Variants in SATL1 observed in about 807,000 individuals in gnomAD.
The protein encoded by SATL1 is spermidine/spermine N1-acetyl transferase like 1.
Under a neutral mutation model 51.8 loss-of-function variants are expected in SATL1, and 47 were observed. The observed-to-expected ratio is 0.91, with a 90% CI of 0.72 to 1.16. The LOEUF is 1.16. Ranked by LOEUF, SATL1 falls within the 50% of genes most tolerant of loss-of-function variation. The pLI, the probability that SATL1 is intolerant of heterozygous loss-of-function variation, is 0.00. For missense variants in SATL1, 520 were observed against 526.4 expected, an observed-to-expected ratio of 0.99 and a Z score of 0.12; for synonymous variants, 176 against 182.4, an observed-to-expected ratio of 0.97 and a Z score of 0.28.
chrX:85,118,025 G>T (rs750865949), intron 2 of SATL1, among the ~76,000 whole-genome samples: 23 of 107,468 alleles, frequency 2.1e-4, no homozygotes, highest in African/African-American at 7.4e-4. Flanking sequence ...AGATGGATCT[G>T]GGGGCTAGTC....
chrX:85,198,285 T>C (rs969791037), intron 2 of SATL1, among the ~76,000 whole-genome samples: 3 of 112,100 alleles, frequency 2.7e-5, no homozygotes. Flanking sequence ...ATTGCTGCAA[T>C]AGACTTGAGA....
At chrX:85,237,719 A>T (rs1463268140) in intron 1 of SATL1, among the ~76,000 whole-genome samples, 4 of 111,736 alleles carry the variant, frequency 3.6e-5, no homozygotes, top group Admixed American at 2.8e-4. Context: ...AAATAGGATC[A>T]TATCAAGTTA....
At chrX:85,232,216 C>T (rs1928395036) in intron 1 of SATL1, among the ~76,000 whole-genome samples, 1 of 109,361 alleles carries the variant, frequency 9.1e-6, no homozygotes, top group African/African-American at 3.3e-5. Context: ...AGGGAAGAAC[C>T]CAGTCCTGGC....
chrX:85,140,615 T>C (rs1327491032), intron 2 of SATL1, among the ~76,000 whole-genome samples: 2 of 112,237 alleles, frequency 1.8e-5, no homozygotes, highest in East Asian at 2.8e-4. Flanking sequence ...TATCTGATTA[T>C]ACTTTAATTG....
At chrX:85,095,145 T>G (rs1924667600) in intron 4 of SATL1, 149 bp from the exon 5 acceptor site, 1 of 424,242 alleles carries the variant, frequency 2.4e-6, no homozygotes, top group African/African-American at 2.4e-5. Flanking sequence ...CTCTGGAGTT[T>G]ATCTGAACAT....
chrX:85,222,354 C>T (rs779830867), intron 2 of SATL1, among the ~76,000 whole-genome samples: 3 of 111,852 alleles, frequency 2.7e-5, no homozygotes, highest in Non-Finnish European at 5.6e-5. Context: ...CTATTATCTG[C>T]TATAGCCTAG....
chrX:85,181,020 C>T (rs1927188921), intron 2 of SATL1, among the ~76,000 whole-genome samples: 2 of 109,117 alleles, frequency 1.8e-5, no homozygotes, highest in African/African-American at 3.3e-5. Flanking sequence ...TTATAAAAAT[C>T]GTTTAACAAG....
At chrX:85,242,565 C>CA (rs1198288528) in intron 1 of SATL1, among the ~76,000 whole-genome samples, 2 of 112,332 alleles carry the variant, frequency 1.8e-5, no homozygotes, top group African/African-American at 6.5e-5. Context: ...TACTGGAACA[C>CA]AGCCATGCTC....
At chrX:85,159,138 A>G (rs1926658121) in intron 2 of SATL1, among the ~76,000 whole-genome samples, 1 of 111,964 alleles carries the variant, frequency 8.9e-6, no homozygotes, top group Non-Finnish European at 1.9e-5. Flanking sequence ...TTCAATATGT[A>G]ATATCACTGG....
intron 2 of SATL1, among the ~76,000 whole-genome samples, chrX:85,204,170 T>C (rs745821541): frequency 2.1e-4 from 23 of 111,604 alleles, no homozygotes; most frequent in African/African-American, 7.2e-4. Flanking sequence ...GGGTCGTTCA[T>C]TCACTTACTG....
At chrX:85,139,617 C>G (rs1322584823) in intron 2 of SATL1, among the ~76,000 whole-genome samples, 2 of 111,504 alleles carry the variant, frequency 1.8e-5, no homozygotes, top group Non-Finnish European at 3.8e-5. Flanking sequence ...AGTTCAGTCT[C>G]TGAAGAGAGG....
chrX:85,121,174 G>A (rs1353807675), intron 2 of SATL1, among the ~76,000 whole-genome samples: 1 of 108,856 alleles, frequency 9.2e-6, no homozygotes, highest in East Asian at 2.9e-4. Context: ...ATTTTTTGTG[G>A]GGATCCATTC....
At chrX:85,154,270 A>G (rs1926535361) in intron 2 of SATL1, among the ~76,000 whole-genome samples, 1 of 110,665 alleles carries the variant, frequency 9.0e-6, no homozygotes, top group South Asian at 3.9e-4. Flanking sequence ...TGGGGGTGGG[A>G]GACGGCGTAC....
chrX:85,132,083 T>C (rs970862630), intron 2 of SATL1, among the ~76,000 whole-genome samples: 4 of 111,186 alleles, frequency 3.6e-5, no homozygotes, highest in Admixed American at 1.9e-4. Context: ...CCCTTGACAT[T>C]TTTTCCTTCA....
At chrX:85,097,183 T>C (rs1021448792) in intron 4 of SATL1, among the ~76,000 whole-genome samples, 3 of 111,300 alleles carry the variant, frequency 2.7e-5, no homozygotes, top group Admixed American at 1.9e-4. Context: ...ACTTTTCATA[T>C]ATGTGAGTTC....
At chrX:85,229,878 G>A (rs775096177) in intron 1 of SATL1, among the ~76,000 whole-genome samples, 11 of 111,399 alleles carry the variant, frequency 9.9e-5, no homozygotes, top group South Asian at 3.7e-4. Flanking sequence ...TAAAGTAGGC[G>A]AAAGACTTCT....
chrX:85,118,809 T>C (rs1925443254), intron 2 of SATL1, among the ~76,000 whole-genome samples: 2 of 111,287 alleles, frequency 1.8e-5, no homozygotes, highest in Admixed American at 1.9e-4. Context: ...CATATGTTAA[T>C]TAGCTTGATT....
chrX:85,107,617 G>C lies in SATL1; in HGVS notation c.1352C>G (p.Pro451Arg). ...TGGTTGTCTCATGCCTAGTTGGCTG[G>C]GGACTTGCTGGCTCATGCCTGGTTG... ...MWQPGMSQQV[P>R]SQLGMRQPGT... Residue 451 changes from proline to arginine, a missense_variant, in exon 3 of 8, where the codon CCC (proline) becomes CGC (arginine). This residue lies in a region of SATL1 where 488 missense variants were observed against 474.3 expected (regional missense o/e 1.03). Transcript: ENST00000644105. The C allele has an allele frequency of 1.7e-6, 2 of 1,211,902 alleles. No homozygotes were observed. The highest frequency in any genetic ancestry group is 2.2e-6 in the Non-Finnish European group (2 of 895,523).
intron 2 of SATL1, among the ~76,000 whole-genome samples, chrX:85,167,366 C>T (rs781268120): frequency 9.2e-6 from 1 of 108,624 alleles, no homozygotes; most frequent in Non-Finnish European, 1.9e-5. Flanking sequence ...ATACATGTAA[C>T]CAAACACCAC....
Sources: allele counts gnomAD v4.1 joint callset (sites outside exome capture counted in the v4.1 genomes callset), GRCh38; gene constraint gnomAD v4.1.1; regional missense constraint gnomAD v4.1.1; transcripts MANE v1.5; gene names NCBI Gene and HGNC (gene_info 2026-07-23, HGNC 2026-07-21).